Variants in MYRFL observed in about 807,000 individuals in gnomAD.
The protein encoded by MYRFL is myelin regulatory factor-like protein.
MYRFL carries 88 observed loss-of-function variants against 109.4 expected under a neutral mutation model. The ratio of observed to expected loss-of-function variants is 0.80; its 90% CI spans 0.68 to 0.96. The LOEUF (loss-of-function observed/expected upper bound fraction) is 0.96, where lower values mean the gene tolerates loss of function less well. Among genes scored for constraint, MYRFL ranks in the 40% least tolerant of loss-of-function variants. MYRFL has a pLI of 0.00. For synonymous variants in MYRFL, 324 were observed against 320.9 expected (o/e 1.01, Z -0.10); for missense variants, 957 against 954.9 (o/e 1.00, Z -0.03).
In MYRFL at chr12:69,890,944, CTGGTTTCT is replaced by C. The variant is rs1364302379; in HGVS notation, c.708-18_708-11del. ...TAAATATATGGAAACATTTGTAAAA[CTGGTTTCT>C]TGGTTTCTCTTTTCATAGACCTGAT... is the stretch of plus-strand genomic sequence containing the variant. On this transcript the variant is annotated intron_variant, in intron 6 of 24. Coordinates refer to ENST00000552032, the MANE Select transcript of MYRFL (RefSeq NM_182530.3). 7.1e-7 allele frequency: 1 copy of C among 1,405,766 alleles called. No individual in the cohort carries two copies. The highest frequency in any genetic ancestry group is 9.3e-7 in the Non-Finnish European group (1 of 1,079,670). The allele number at this position is 1,405,766 out of a possible 1,614,324, so 87.1% of individuals were successfully genotyped here.
At chr12:69,893,441 A>G (rs962636820) in intron 7 of MYRFL, among the ~76,000 whole-genome samples, 4 of 152,232 alleles carry the variant, frequency 2.6e-5, no homozygotes, top group Admixed American at 1.3e-4. Context: ...AAGTACTTCT[A>G]GAATGAATGA....
rs551696575 is a variant in MYRFL, at chr12:69,875,495, C to A, written c.138-3533C>A. ...TGGGTTAGTGTTCACAGATTGTTCT[C>A]TCCCTCCAAGCTAGGCCACATTTTT... On this transcript the variant is annotated intron_variant, in intron 2 of 24. Transcript: ENST00000552032. Among the ~76,000 whole-genome samples, 11 of 152,280 alleles carry A rather than the reference C, an allele frequency of 7.2e-5. No individual in the cohort carries two copies. In the East Asian group the frequency reaches 1.9e-3, roughly 27 times the overall value.
chr12:69,876,684 G>C (rs2136331148), intron 2 of MYRFL, among the ~76,000 whole-genome samples: 1 of 152,194 alleles, frequency 6.6e-6, no homozygotes, highest in Non-Finnish European at 1.5e-5. Flanking sequence ...TATTTCCTTG[G>C]TAACTTGAAA....
chr12:69,827,156 G>C (rs895401980), intron 1 of MYRFL, among the ~76,000 whole-genome samples: 2 of 151,804 alleles, frequency 1.3e-5, no homozygotes, highest in African/African-American at 4.8e-5. Flanking sequence ...AAAAATTCAG[G>C]GTTTGAAAAT....
At chr12:69,899,138 C>T (rs1954101301) in intron 10 of MYRFL, among the ~76,000 whole-genome samples, 5 of 152,114 alleles carry the variant, frequency 3.3e-5, no homozygotes, top group Admixed American at 3.3e-4. Flanking sequence ...AGAGAATACC[C>T]TATTCTACAA....
intron 13 of MYRFL, among the ~76,000 whole-genome samples, chr12:69,916,461 C>T (rs1282311406): frequency 6.6e-6 from 1 of 152,180 alleles, no homozygotes; most frequent in Non-Finnish European, 1.5e-5. Flanking sequence ...CCATGATATG[C>T]AGTTAAACAC....
chr12:69,951,843 G>A (rs74101401), intron 19 of MYRFL, among the ~76,000 whole-genome samples: 7,643 of 152,258 alleles, frequency 0.05, 211 homozygotes, highest in East Asian at 0.15. Flanking sequence ...GTCACATTCT[G>A]AGGTACTGGG....
chr12:69,852,867 T>G (rs1257473851), intron 1 of MYRFL, among the ~76,000 whole-genome samples: 9 of 152,204 alleles, frequency 5.9e-5, no homozygotes, highest in South Asian at 2.1e-4. Context: ...AACCCTGAGT[T>G]GACACAGCAC....
intron 13 of MYRFL, 148 bp from the exon 14 acceptor site, chr12:69,926,423 C>A: frequency 5.0e-6 from 3 of 601,032 alleles, no homozygotes; most frequent in Non-Finnish European, 7.3e-6. Context: ...TCAAACCTCT[C>A]CAGATTTATC....
chr12:69,854,640 C>T (rs564750399), intron 1 of MYRFL, among the ~76,000 whole-genome samples: 1 of 152,224 alleles, frequency 6.6e-6, no homozygotes, highest in East Asian at 1.9e-4. Context: ...CCTCCCTTGG[C>T]CTCCCAAAGT....
intron 11 of MYRFL, among the ~76,000 whole-genome samples, chr12:69,906,832 G>A (rs1954379057): frequency 1.3e-5 from 2 of 152,228 alleles, no homozygotes; most frequent in Admixed American, 1.3e-4. Flanking sequence ...AACAGACTGA[G>A]TCCCATGGAC....
Position 69,891,278 on chromosome 12 carries a change from A to G in MYRFL, c.903+112A>G, listed in dbSNP as rs968030948. On this transcript the variant is annotated intron_variant, in intron 7 of 24. Transcript: ENST00000552032. ...TGACTTAAAATAATAACAGTCCTTT[A>G]TTTTGGTCACAAATCTGCAACTGGG... 2.4e-5 allele frequency: 20 copies of G among 825,526 alleles called. 1 individual carries two copies. The highest frequency in any genetic ancestry group is 7.4e-5 in the Admixed American group (2 of 26,944). 51.1% of individuals were successfully genotyped at this position (825,526 alleles called of 1,614,324 possible).
intron 12 of MYRFL, among the ~76,000 whole-genome samples, chr12:69,910,474 A>G (rs1361893047): frequency 6.6e-6 from 1 of 151,806 alleles, no homozygotes; most frequent in Non-Finnish European, 1.5e-5. Context: ...TGATGTTTAT[A>G]CTCCAATCCA....
At chr12:69,880,951 GTTTTT>G (rs71094746) in intron 5 of MYRFL, among the ~76,000 whole-genome samples, 48 of 112,634 alleles carry the variant, frequency 4.3e-4, no homozygotes, top group African/African-American at 1.3e-3. Context: ...CAGCCTTCCT[GTTTTT>G]TTTTTTTTTT....
intron 2 of MYRFL, among the ~76,000 whole-genome samples, chr12:69,862,291 C>T (rs1884730130): frequency 6.7e-6 from 1 of 150,100 alleles, no homozygotes; most frequent in Non-Finnish European, 1.5e-5. Flanking sequence ...TGAAGAAAGT[C>T]ATTGGTAGCT....
intron 2 of MYRFL, among the ~76,000 whole-genome samples, chr12:69,877,211 G>A (rs1189976271): frequency 1.3e-5 from 2 of 151,796 alleles, no homozygotes; most frequent in African/African-American, 4.8e-5. Context: ...TTTTAGTAGA[G>A]ACGGAGTTTC....
intron 6 of MYRFL, among the ~76,000 whole-genome samples, chr12:69,890,311 T>G (rs1416743196): frequency 1.3e-5 from 2 of 152,250 alleles, no homozygotes; most frequent in African/African-American, 4.8e-5. Flanking sequence ...TTCACAAGTC[T>G]AAGTAATGTG....
At chr12:69,847,593 T>G (rs11177899) in intron 1 of MYRFL, among the ~76,000 whole-genome samples, 16,387 of 152,240 alleles carry the variant, frequency 0.11, 1,208 homozygotes, top group Middle Eastern at 0.18. Context: ...TCCAGACACA[T>G]ATACTTCCTC....
chr12:69,825,641 A>G, intron 1 of MYRFL, 78 bp downstream of exon 1: 1 of 672,700 alleles, frequency 1.5e-6, no homozygotes, highest in Non-Finnish European at 2.7e-6. Flanking sequence ...TTCCGTATTC[A>G]CTTAAACTTT....
Sources: allele counts gnomAD v4.1 joint callset (sites outside exome capture counted in the v4.1 genomes callset), GRCh38; gene constraint gnomAD v4.1.1; transcripts MANE v1.5; gene names NCBI Gene and HGNC (gene_info 2026-07-23, HGNC 2026-07-21).